KIAA1549: variants seen among roughly 807,000 people sequenced by gnomAD.
KIAA1549 encodes KIAA1549.
KIAA1549 carries 70 observed loss-of-function variants against 156.4 expected under a neutral mutation model. The observed-to-expected ratio is 0.45, with a 90% CI of 0.37 to 0.55. The LOEUF is 0.55. Among genes scored for constraint, KIAA1549 ranks in the 20% least tolerant of loss-of-function variants. The pLI, the probability that KIAA1549 is intolerant of heterozygous loss-of-function variation, is 0.00. For missense variants in KIAA1549, 2,428 were observed against 2,540.9 expected, an observed-to-expected ratio of 0.96 and a Z score of 0.96; for synonymous variants, 1,103 against 1,066.4, an observed-to-expected ratio of 1.03 and a Z score of -0.67.
intron 1 of KIAA1549, among the ~76,000 whole-genome samples, chr7:138,948,996 C>T (rs966588739): frequency 3.9e-5 from 6 of 152,098 alleles, no homozygotes; most frequent in South Asian, 2.1e-4. Context: ...TGAGCCACCG[C>T]GCCCGGCCAG....
Position 138,871,377 on chromosome 7 carries a change from A to G in KIAA1549, c.4346-15T>C. 6.7e-7 allele frequency: 1 copy of G among 1,500,670 alleles called. No individual in the cohort carries two copies. Among genetic ancestry groups the G allele is most frequent in the Non-Finnish European group, 8.9e-7 (1 of 1,125,848 alleles). The allele number at this position is 1,500,670 out of a possible 1,614,324, so 93.0% of individuals were successfully genotyped here. On this transcript the variant is annotated splice_polypyrimidine_tract_variant and intron_variant, in intron 12 of 19. Coordinates refer to ENST00000422774, the MANE Select transcript of KIAA1549 (RefSeq NM_001164665.2). ...CAGTGGTGGCCCTGGAACAGAAGGA[A>G]AAGCAAAACACATACACGAAGTCAT... is the stretch of plus-strand genomic sequence containing the variant.
chr7:138,880,387 T>C (rs80122450), intron 11 of KIAA1549, among the ~76,000 whole-genome samples: 11,680 of 152,274 alleles, frequency 0.077, 1,523 homozygotes, highest in African/African-American at 0.27. Flanking sequence ...TTCCATTTAT[T>C]CTTAGCCTGC....
chr7:138,953,902 G>A (rs761473666), intron 1 of KIAA1549, among the ~76,000 whole-genome samples: 7 of 152,192 alleles, frequency 4.6e-5, no homozygotes, highest in Admixed American at 2.0e-4. Context: ...TTATTGGTAC[G>A]TACGGTTTAA....
rs747621558 is a variant in KIAA1549 at position 138,917,955 on chromosome 7, A to G, written c.1671T>C (p.Phe557=). 2.5e-6 allele frequency: 4 copies of G among 1,593,150 alleles called. 1 individual carries two copies. The South Asian group carries it at 4.6e-5, about 18-fold the overall frequency. The part of the protein sequence containing the change: ...QVTPSSVTTA[F]FSVITSILLD... ...GGAGAATGCTGGTGATGACCGAGAA[A>G]AATGCAGTGGTCACGCTGGATGGCG... is the stretch of plus-strand genomic sequence containing the variant. Residue 557 remains phenylalanine (F), a synonymous_variant, in exon 2 of 20, where the codon TTT becomes TTC. Transcript: ENST00000422774.
At chr7:138,872,593 G>A (rs1489220562) in intron 12 of KIAA1549, among the ~76,000 whole-genome samples, 1 of 152,140 alleles carries the variant, frequency 6.6e-6, no homozygotes, top group Non-Finnish European at 1.5e-5. Flanking sequence ...AGTAGAAAGA[G>A]CTAGTTACTC....
chr7:138,871,107 G>C, intron 13 of KIAA1549, 50 bp downstream of exon 13: 1 of 1,557,368 alleles, frequency 6.4e-7, no homozygotes, highest in Non-Finnish European at 8.7e-7. Context: ...ATAAGCCACC[G>C]GGCTTAGCCG....
chr7:138,876,144 C>G (rs771492959), intron 12 of KIAA1549, among the ~76,000 whole-genome samples: 1 of 152,154 alleles, frequency 6.6e-6, no homozygotes, highest in Non-Finnish European at 1.5e-5. Flanking sequence ...ATTTGCTAAA[C>G]GGATGACTCA....
Position 138,840,500 on chromosome 7 carries a change from T to C in KIAA1549, c.5453-222A>G, listed in dbSNP as rs868451570. 7.2e-5 allele frequency among the ~76,000 whole-genome samples: 11 copies of C among 151,898 alleles called. No individual in the cohort carries two copies. The South Asian group carries it at 2.1e-3, about 29-fold the overall frequency. On this transcript the variant is annotated intron_variant, in intron 18 of 19. Coordinates refer to ENST00000422774, the MANE Select transcript of KIAA1549 (RefSeq NM_001164665.2). Reference sequence around the variant, plus strand: ...GGTAAGGAAATGCACCACGAAGCGGTAGGAAAATGTACCACGAAGCACCGT... The same window carrying C: ...GGTAAGGAAATGCACCACGAAGCGGCAGGAAAATGTACCACGAAGCACCGT...
chr7:138,921,947 A>G (rs1812576652), intron 1 of KIAA1549, among the ~76,000 whole-genome samples: 1 of 152,232 alleles, frequency 6.6e-6, no homozygotes, highest in Admixed American at 6.5e-5. Context: ...ATGAAGGCAG[A>G]GAGCATGATG....
intron 1 of KIAA1549, 137 bp downstream of exon 1, chr7:138,980,946 A>G: frequency 1.2e-6 from 1 of 813,464 alleles, no homozygotes; most frequent in Non-Finnish European, 1.6e-6. Context: ...GAAGAATGGC[A>G]AAGCATCTTC....
intron 4 of KIAA1549, 55 bp downstream of exon 4, chr7:138,911,089 TAA>T (rs11379929): frequency 6.6e-6 from 7 of 1,066,180 alleles, no homozygotes; most frequent in South Asian, 1.9e-5. Flanking sequence ...TTTAGAAAGA[TAA>T]AAAAAAAATG....
chr7:138,974,942 T>C (rs1004748970), intron 1 of KIAA1549, among the ~76,000 whole-genome samples: 2 of 151,966 alleles, frequency 1.3e-5, no homozygotes, highest in Admixed American at 6.6e-5. Context: ...GTTCCAACAA[T>C]ACCTATTCCC....
At chr7:138,922,659 C>T (rs953843963) in intron 1 of KIAA1549, among the ~76,000 whole-genome samples, 1 of 151,308 alleles carries the variant, frequency 6.6e-6, no homozygotes, top group South Asian at 2.1e-4. Flanking sequence ...ACATGTAAAA[C>T]AGCAATTTAG....
intron 16 of KIAA1549, among the ~76,000 whole-genome samples, chr7:138,854,447 A>G (rs1208411720): frequency 6.6e-6 from 1 of 152,036 alleles, no homozygotes; most frequent in East Asian, 1.9e-4. Flanking sequence ...TAACACTCCT[A>G]CCCTCGCAAA....
Position 138,894,452 on chromosome 7 carries a change from G to A in KIAA1549, c.3922C>T (p.Pro1308Ser), listed in dbSNP as rs369470245. ...NLWVIVGVVI[P>S]VLVVMVIVVI... ...ACAATCACCATCACCACCAGCACTG[G>A]GATGACCACGCCAACAATGACCCAC... is the stretch of plus-strand genomic sequence containing the variant. Residue 1308 changes from proline to serine, a missense_variant, in exon 10 of 20, where the codon CCA (proline) becomes TCA (serine). Transcript: ENST00000422774. The A allele has an allele frequency of 2.9e-5, 47 of 1,613,868 alleles. No individual in the cohort carries two copies. The highest frequency in any genetic ancestry group is 3.7e-5 in the Non-Finnish European group (44 of 1,179,896).
intron 19 of KIAA1549, among the ~76,000 whole-genome samples, chr7:138,838,792 C>G (rs1006705895): frequency 6.6e-6 from 1 of 152,130 alleles, no homozygotes; most frequent in African/African-American, 2.4e-5. Flanking sequence ...ACATGACATT[C>G]CAGCTCTAGG....
chr7:138,970,559 C>A (rs1814189256), intron 1 of KIAA1549, among the ~76,000 whole-genome samples: 1 of 152,204 alleles, frequency 6.6e-6, no homozygotes. Flanking sequence ...CAGTTCTGAG[C>A]CTCTCAAGCT....
In KIAA1549 at chr7:138,869,722, G is replaced by A; in HGVS notation, c.4591C>T (p.His1531Tyr). 1 of 1,611,966 alleles carries A rather than the reference G, an allele frequency of 6.2e-7. No homozygotes were observed. The highest frequency in any genetic ancestry group is 1.3e-5 in the African/African-American group (1 of 75,054). Residue 1531 changes from histidine (H) to tyrosine (Y), a missense_variant, in exon 14 of 20, where the codon CAT becomes TAT. His to Tyr is a moderately conservative substitution (Grantham distance 83). This residue lies in a region of KIAA1549 where 404 missense variants were observed against 417.0 expected (regional missense o/e 0.97). Transcript: ENST00000422774. Reference protein sequence around the residue: ...ALRHKSEIEHHRNKIRLRAKR... With the variant: ...ALRHKSEIEHYRNKIRLRAKR... The stretch of plus-strand genomic sequence containing the variant: ...GCGCGCAGGCGGATCTTGTTGCGAT[G>A]GTGCTCGATCTCAGACTTGTGCCGC...
At chr7:138,943,209 C>G (rs562208432) in intron 1 of KIAA1549, among the ~76,000 whole-genome samples, 1 of 152,164 alleles carries the variant, frequency 6.6e-6, no homozygotes, top group Non-Finnish European at 1.5e-5. Context: ...AGATGCGTCA[C>G]GAGTCCCCCT....
Sources: gnomAD v4.1 joint callset for allele counts (sites outside exome capture counted in the v4.1 genomes callset) on GRCh38, gnomAD v4.1.1 for gene constraint, gnomAD v4.1.1 regional missense constraint, MANE v1.5 for transcripts, NCBI Gene and HGNC (gene_info 2026-07-23, HGNC 2026-07-21) for gene names.